The following TPP2 variants were observed in gnomAD, a reference collection of about 807,000 sequenced individuals.
TPP2 encodes tripeptidyl peptidase 2, also known as tripeptidyl-peptidase 2.
TPP2 carries 34 observed loss-of-function variants against 155.9 expected under a neutral mutation model. That is an observed-to-expected ratio of 0.22 (90% CI 0.17 to 0.29). The LOEUF is 0.29. Ranked by LOEUF, TPP2 falls within the 10% of genes least tolerant of loss-of-function variation. TPP2 has a pLI of 1.00. For missense variants in TPP2, 1,028 were observed against 1,522.3 expected, an observed-to-expected ratio of 0.68 and a Z score of 5.40; for synonymous variants, 510 against 529.4, an observed-to-expected ratio of 0.96 and a Z score of 0.50.
At chr13:102,612,817 A>G (rs1880425961) in intron 2 of TPP2, among the ~76,000 whole-genome samples, 1 of 152,118 alleles carries the variant, frequency 6.6e-6, no homozygotes, top group Non-Finnish European at 1.5e-5. Context: ...AGAAATTGTG[A>G]TTAAATATAA....
chr13:102,607,720 G>A (rs754389564), intron 2 of TPP2: 1 of 429,512 alleles, frequency 2.3e-6, no homozygotes, highest in Non-Finnish European at 4.7e-6. Flanking sequence ...CCGAGTAGCT[G>A]GGATTACAGG....
intron 14 of TPP2, 130 bp downstream of exon 14, chr13:102,637,369 GT>G: frequency 1.0e-6 from 1 of 955,818 alleles, no homozygotes; most frequent in Non-Finnish European, 1.5e-6. Flanking sequence ...CATCTGCCAG[GT>G]TATTCAGTTC....
chr13:102,674,502 G>A lies in TPP2; in HGVS notation c.3579+12G>A. ...TCTTTGACAATAAGGTAACGTTTCT[G>A]CTTCTTGTTTCAGCAAAGTTCTTGG... On this transcript the variant is annotated intron_variant, in intron 28 of 29. Coordinates refer to ENST00000376052, the MANE Select transcript of TPP2 (RefSeq NM_001330588.2). 2 of 1,613,086 alleles carry A rather than the reference G, an allele frequency of 1.2e-6. No individual in the cohort carries two copies. Among genetic ancestry groups the A allele is most frequent in the African/African-American group, 1.3e-5 (1 of 74,976 alleles).
chr13:102,605,811 C>T (rs778362295), intron 2 of TPP2, among the ~76,000 whole-genome samples: 8 of 151,702 alleles, frequency 5.3e-5, no homozygotes, highest in Non-Finnish European at 1.0e-4. Flanking sequence ...GCAACCTCCG[C>T]CTCCCGGGTT....
chr13:102,607,766 T>C, intron 2 of TPP2: 1 of 347,622 alleles, frequency 2.9e-6, no homozygotes. Context: ...TTTTTGTGTG[T>C]TTTTAGTAGA....
intron 2 of TPP2, among the ~76,000 whole-genome samples, chr13:102,610,520 G>A (rs1184766239): frequency 6.6e-6 from 1 of 152,122 alleles, no homozygotes; most frequent in Non-Finnish European, 1.5e-5. Flanking sequence ...GTCAGCCACC[G>A]CGCCCAGCTG....
chr13:102,602,673 A>G (rs758691744), intron 1 of TPP2, among the ~76,000 whole-genome samples: 3 of 152,192 alleles, frequency 2.0e-5, no homozygotes, highest in Non-Finnish European at 2.9e-5. Flanking sequence ...CTCCTTCTTC[A>G]GGGTATACCT....
At chr13:102,640,627 C>T (rs1189680061) in intron 16 of TPP2, among the ~76,000 whole-genome samples, 1 of 146,540 alleles carries the variant, frequency 6.8e-6, no homozygotes, top group Non-Finnish European at 1.5e-5. Context: ...AGAATAATGC[C>T]TTACCTGGTA....
At chr13:102,631,488 C>T (rs1371116798) in intron 10 of TPP2, 1 of 152,142 alleles carries the variant, frequency 6.6e-6, no homozygotes, top group Non-Finnish European at 1.5e-5. Context: ...TGTTTTTGTT[C>T]AGTTAATAAA....
intron 10 of TPP2, among the ~76,000 whole-genome samples, chr13:102,632,476 G>A (rs1882084390): frequency 6.6e-6 from 1 of 151,932 alleles, no homozygotes; most frequent in African/African-American, 2.4e-5. Context: ...TCCTGACCTC[G>A]TGATCTGCCC....
chr13:102,629,170 A>G (rs16960263), intron 8 of TPP2, among the ~76,000 whole-genome samples: 4,886 of 152,262 alleles, frequency 0.032, 271 homozygotes, highest in African/African-American at 0.11. Context: ...CTTCAGGACT[A>G]TGTTAACTGG....
chr13:102,671,786 A>G (rs1021351792), intron 27 of TPP2, among the ~76,000 whole-genome samples: 9 of 152,138 alleles, frequency 5.9e-5, no homozygotes. Flanking sequence ...TTTGCCCGGT[A>G]ACAGCGGGGC....
At chr13:102,611,366 C>CTGTATTAAAGGACTGTATTA (rs1217666627) in intron 2 of TPP2, among the ~76,000 whole-genome samples, 6 of 152,088 alleles carry the variant, frequency 3.9e-5, no homozygotes, top group African/African-American at 9.7e-5. Context: ...TCTTCTTGAC[C>CTGTATTAAAGGACTGTATTA]AAGTGTCTGT....
At chr13:102,649,791 T>C (rs1425635259) in intron 23 of TPP2, among the ~76,000 whole-genome samples, 1 of 152,090 alleles carries the variant, frequency 6.6e-6, no homozygotes, top group Non-Finnish European at 1.5e-5. Context: ...TAAATACAAA[T>C]CAAACTTGGC....
intron 27 of TPP2, among the ~76,000 whole-genome samples, chr13:102,666,766 C>CTTTTTTTTG (rs1884627997): frequency 1.8e-5 from 1 of 55,732 alleles, no homozygotes; most frequent in African/African-American, 7.7e-5. Context: ...TTTTTAATCT[C>CTTTTTTTTG]TTTTTTTTTT....
intron 15 of TPP2, among the ~76,000 whole-genome samples, chr13:102,638,929 T>C (rs1339400020): frequency 6.6e-6 from 1 of 152,202 alleles, no homozygotes; most frequent in Non-Finnish European, 1.5e-5. Flanking sequence ...TGTCATTCCG[T>C]ACACCAAATT....
chr13:102,629,045 T>C (rs934682979), intron 8 of TPP2, among the ~76,000 whole-genome samples: 15 of 152,234 alleles, frequency 9.9e-5, no homozygotes, highest in African/African-American at 3.4e-4. Flanking sequence ...TCTTACACTT[T>C]AAAATCTTGC....
At chr13:102,647,068 C>T (rs1268622901) in intron 20 of TPP2, 139 bp from the exon 21 acceptor site, 10 of 1,061,858 alleles carry the variant, frequency 9.4e-6, no homozygotes, top group Admixed American at 3.0e-5. Flanking sequence ...ACTGTGTGTT[C>T]TATATTTTCA....
intron 15 of TPP2, among the ~76,000 whole-genome samples, chr13:102,639,305 G>A (rs372833932): frequency 2.6e-5 from 4 of 152,096 alleles, no homozygotes; most frequent in Non-Finnish European, 5.9e-5. Context: ...TAACAGTTCT[G>A]TTACTCTGGT....
Sources: allele counts gnomAD v4.1 joint callset (sites outside exome capture counted in the v4.1 genomes callset), GRCh38; gene constraint gnomAD v4.1.1; transcripts MANE v1.5; gene names NCBI Gene and HGNC (gene_info 2026-07-23, HGNC 2026-07-21).